CDH13: variants seen among roughly 807,000 people sequenced by gnomAD.
CDH13 encodes cadherin-13.
In CDH13, 24 loss-of-function variants were observed where a neutral mutation model predicts 63.8. The observed-to-expected ratio is 0.38, with a 90% CI of 0.27 to 0.53. The LOEUF is 0.53. Among genes scored for constraint, CDH13 ranks in the 20% least tolerant of loss-of-function variants. The probability of loss-of-function intolerance (pLI) is 0.85; values close to 1 mark genes in which losing one functional copy is unlikely to be tolerated. For synonymous variants in CDH13, 503 were observed against 355.3 expected, an observed-to-expected ratio of 1.42 and a Z score of -4.67; for missense variants, 1,049 against 903.1, an observed-to-expected ratio of 1.16 and a Z score of -2.07.
chr16:83,688,598 G>A (rs1904540335), intron 10 of CDH13, among the ~76,000 whole-genome samples: 1 of 152,186 alleles, frequency 6.6e-6, no homozygotes, highest in Non-Finnish European at 1.5e-5. Context: ...GATCTGGGAT[G>A]AGGTCATTTT....
At chr16:83,749,334 A>G (rs781039581) in intron 11 of CDH13, among the ~76,000 whole-genome samples, 4 of 152,198 alleles carry the variant, frequency 2.6e-5, no homozygotes, top group African/African-American at 9.6e-5. Flanking sequence ...GTGACACACA[A>G]TAAGTAGAGA....
At chr16:83,078,134 G>A (rs1279933672) in intron 3 of CDH13, among the ~76,000 whole-genome samples, 4 of 152,184 alleles carry the variant, frequency 2.6e-5, no homozygotes, top group Admixed American at 6.5e-5. Flanking sequence ...TGGTTCGGGG[G>A]TCAACATCGG....
rs185432051 is a variant in CDH13 at position 83,300,121 on chromosome 16, G to C, written c.637-44741G>C. Among the ~76,000 whole-genome samples, 3 of 152,158 alleles carry C rather than the reference G, an allele frequency of 2.0e-5. No homozygotes were observed. In the East Asian group the frequency reaches 5.8e-4, roughly 29 times the overall value. ...TCAAAGGGAAGAGATTACCCAAGAG[G>C]GTGAGTACCAGGAAGCTGGGATCAT... On this transcript the variant is annotated intron_variant, in intron 5 of 13. Transcript: ENST00000567109.
chr16:83,139,842 A>C (rs1597402034), intron 4 of CDH13, among the ~76,000 whole-genome samples: 1 of 152,214 alleles, frequency 6.6e-6, no homozygotes, highest in East Asian at 1.9e-4. Flanking sequence ...ATCTCTACTA[A>C]AAATACAAAA....
chr16:82,668,347 G>A (rs1912850264), intron 1 of CDH13, among the ~76,000 whole-genome samples: 1 of 152,130 alleles, frequency 6.6e-6, no homozygotes, highest in African/African-American at 2.4e-5. Context: ...ATTAAAGGGT[G>A]CCTAGGACAT....
chr16:82,692,605 A>G (rs1915751215), intron 1 of CDH13, among the ~76,000 whole-genome samples: 1 of 152,218 alleles, frequency 6.6e-6, no homozygotes, highest in African/African-American at 2.4e-5. Flanking sequence ...CTACAATTCA[A>G]GATGAGATTT....
intron 8 of CDH13, among the ~76,000 whole-genome samples, chr16:83,649,222 C>T (rs760448539): frequency 6.6e-6 from 1 of 152,212 alleles, no homozygotes; most frequent in African/African-American, 2.4e-5. Flanking sequence ...GCCCTTGGCA[C>T]CTGTTCAATC....
In CDH13 at chr16:83,277,878, A is replaced by C. The variant is rs571422943; in HGVS notation, c.636+60381A>C. The stretch of plus-strand genomic sequence containing the variant: ...ATATAAAGGATCCTGAAACCAAAAA[A>C]TTTGAGAAGTTTGTTTGCTATTGGG... On this transcript the variant is annotated intron_variant, in intron 5 of 13. Coordinates refer to ENST00000567109, the MANE Select transcript of CDH13 (RefSeq NM_001257.5). Among the ~76,000 whole-genome samples the C allele has an allele frequency of 3.9e-5, 6 of 152,324 alleles. No individual in the cohort carries two copies. The East Asian group carries it at 1.2e-3, about 29-fold the overall frequency.
intron 3 of CDH13, among the ~76,000 whole-genome samples, chr16:83,123,195 C>T (rs893561575): frequency 7.3e-5 from 11 of 151,712 alleles, no homozygotes; most frequent in African/African-American, 2.7e-4. Flanking sequence ...TGTGTGTACA[C>T]ATCTTTATAG....
At chr16:83,391,431 C>G (rs1035642201) in intron 6 of CDH13, among the ~76,000 whole-genome samples, 1 of 152,072 alleles carries the variant, frequency 6.6e-6, no homozygotes, top group Non-Finnish European at 1.5e-5. Flanking sequence ...GTCTCGAACT[C>G]CCGACCTCGT....
chr16:83,527,100 C>A (rs570153824), intron 7 of CDH13, among the ~76,000 whole-genome samples: 2 of 151,640 alleles, frequency 1.3e-5, no homozygotes, highest in Non-Finnish European at 2.9e-5. Flanking sequence ...CACTGCCCTG[C>A]AGCCTGGGCA....
chr16:83,466,590 C>T (rs1417275495), intron 6 of CDH13, among the ~76,000 whole-genome samples: 3 of 152,192 alleles, frequency 2.0e-5, no homozygotes, highest in Admixed American at 1.3e-4. Context: ...CCTTCATCAA[C>T]CCAAAACTCA....
chr16:83,429,407 C>T (rs917783804), intron 6 of CDH13, among the ~76,000 whole-genome samples: 3 of 152,134 alleles, frequency 2.0e-5, no homozygotes, highest in Non-Finnish European at 2.9e-5. Flanking sequence ...TTAGAACCTT[C>T]AGTCTGGATT....
chr16:82,780,666 A>T (rs2035713332), intron 1 of CDH13, among the ~76,000 whole-genome samples: 1 of 152,274 alleles, frequency 6.6e-6, no homozygotes, highest in African/African-American at 2.4e-5. Flanking sequence ...TAATAAACTT[A>T]CATTAGAAAT....
chr16:83,460,620 C>A (rs1052659201), intron 6 of CDH13, among the ~76,000 whole-genome samples: 2 of 151,386 alleles, frequency 1.3e-5, no homozygotes, highest in African/African-American at 4.9e-5. Flanking sequence ...ATATAGAGTT[C>A]AAAAAAACAG....
intron 10 of CDH13, among the ~76,000 whole-genome samples, chr16:83,741,622 T>C (rs1912076807): frequency 1.3e-5 from 2 of 152,160 alleles, no homozygotes; most frequent in African/African-American, 4.8e-5. Flanking sequence ...ATATAATCTG[T>C]GCCATGTCTA....
intron 4 of CDH13, among the ~76,000 whole-genome samples, chr16:83,198,933 CTT>C (rs1359196066): frequency 3.3e-5 from 5 of 152,134 alleles, no homozygotes; most frequent in African/African-American, 1.2e-4. Flanking sequence ...ATATTCCTCT[CTT>C]GGGGATGTTG....
chr16:83,492,842 G>C (rs561492581), intron 7 of CDH13, among the ~76,000 whole-genome samples: 65 of 152,264 alleles, frequency 4.3e-4, no homozygotes, highest in Admixed American at 1.9e-3. Flanking sequence ...ACCTTGATGA[G>C]TCTCAGGACT....
intron 6 of CDH13, among the ~76,000 whole-genome samples, chr16:83,448,935 C>A (rs1168320693): frequency 6.6e-6 from 1 of 152,154 alleles, no homozygotes; most frequent in Non-Finnish European, 1.5e-5. Flanking sequence ...ATACAGGATT[C>A]TTCGTATGGA....
Sources: gnomAD v4.1 joint callset for allele counts (sites outside exome capture counted in the v4.1 genomes callset) on GRCh38, gnomAD v4.1.1 for gene constraint, MANE v1.5 for transcripts, NCBI Gene and HGNC (gene_info 2026-07-23, HGNC 2026-07-21) for gene names.